The following CTIF variants were observed in gnomAD, a reference collection of about 807,000 sequenced individuals.
CTIF encodes the protein cap binding complex dependent translation initiation factor, also known as CBP80/20-dependent translation initiation factor.
In CTIF, 21 loss-of-function variants were observed where a neutral mutation model predicts 66.0. The ratio of observed to expected loss-of-function variants is 0.32; its 90% CI spans 0.23 to 0.46. CTIF has a LOEUF of 0.46. CTIF is among the 20% of genes least tolerant of loss of function. CTIF has a pLI of 1.00. For missense variants in CTIF, 739 were observed against 812.7 expected (o/e 0.91, Z 1.10); for synonymous variants, 345 against 326.4 (o/e 1.06, Z -0.62).
chr18:48,846,607 A>G (rs2069082559), intron 10 of CTIF, among the ~76,000 whole-genome samples: 1 of 151,758 alleles, frequency 6.6e-6, no homozygotes, highest in African/African-American at 2.4e-5. Context: ...GAATGGATGG[A>G]TGGATGGATG....
chr18:48,844,457 G>A (rs2069023180), intron 10 of CTIF, among the ~76,000 whole-genome samples: 1 of 152,254 alleles, frequency 6.6e-6, no homozygotes, highest in African/African-American at 2.4e-5. Context: ...CGGGCCAGCT[G>A]TGGGATGAAG....
intron 4 of CTIF, 22 bp downstream of exon 4, chr18:48,663,847 C>G (rs778682098): frequency 3.1e-6 from 5 of 1,610,634 alleles, no homozygotes; most frequent in East Asian, 2.2e-5. Context: ...CTCCCTCCTT[C>G]CCTGTGGTGT....
intron 3 of CTIF, among the ~76,000 whole-genome samples, chr18:48,644,886 C>T (rs1203150075): frequency 6.6e-6 from 1 of 152,218 alleles, no homozygotes; most frequent in Non-Finnish European, 1.5e-5. Flanking sequence ...TGCTTTCAGC[C>T]TGGGCTGTGC....
intron 9 of CTIF, among the ~76,000 whole-genome samples, chr18:48,812,267 C>A (rs1270253717): frequency 6.6e-6 from 1 of 152,148 alleles, no homozygotes; most frequent in Admixed American, 6.5e-5. Flanking sequence ...CCCAGCTGGC[C>A]ATACTATTTT....
chr18:48,830,515 ACTGT>A (rs2068667806), intron 10 of CTIF, among the ~76,000 whole-genome samples: 1 of 152,296 alleles, frequency 6.6e-6, no homozygotes. Context: ...CCTGTAGCTC[ACTGT>A]CTGAGAGGTA....
In CTIF at chr18:48,761,057, T is replaced by C; in HGVS notation, c.1072-333T>C. 1 of 212,304 alleles carries C rather than the reference T, an allele frequency of 4.7e-6. No homozygotes were observed. Among genetic ancestry groups the C allele is most frequent in the Non-Finnish European group, 9.3e-6 (1 of 107,824 alleles). 13.2% of individuals were successfully genotyped at this position (212,304 alleles called of 1,614,324 possible). A position where few individuals can be genotyped will look rare whatever the true frequency, so the allele number is the denominator to read the frequency against. On this transcript the variant is annotated intron_variant, in intron 8 of 11. Transcript: ENST00000256413. The surrounding 1 kb of genome is among the most constrained non-coding windows in gnomAD (Gnocchi z 4.2). ...ATTTCATATTTGTTATCTTATTTCC[T>C]CTTTCATAATTTCCATTAAATCTTT... is the stretch of plus-strand genomic sequence containing the variant.
intron 10 of CTIF, among the ~76,000 whole-genome samples, chr18:48,834,036 C>T (rs1466430000): frequency 6.6e-6 from 1 of 152,024 alleles, no homozygotes; most frequent in Non-Finnish European, 1.5e-5. Flanking sequence ...CCCTCCTTTC[C>T]CCTCCCCTCC....
chr18:48,551,977 T>C (rs1337676062), intron 1 of CTIF, among the ~76,000 whole-genome samples: 1 of 152,236 alleles, frequency 6.6e-6, no homozygotes. Flanking sequence ...ATTTTTTTTG[T>C]ATTTTTAGTA....
intron 9 of CTIF, among the ~76,000 whole-genome samples, chr18:48,806,529 C>T (rs28392654): frequency 1.9e-4 from 29 of 152,248 alleles, no homozygotes; most frequent in African/African-American, 5.8e-4. Context: ...AGAGGGAGCC[C>T]GAAATGAAGG....
At chr18:48,619,350 G>A (rs532298408) in intron 1 of CTIF, among the ~76,000 whole-genome samples, 188 bp from the exon 2 acceptor site, 32 of 152,354 alleles carry the variant, frequency 2.1e-4, no homozygotes, top group South Asian at 8.3e-4. Flanking sequence ...CTACACAGTG[G>A]GAATTACAGC....
intron 1 of CTIF, among the ~76,000 whole-genome samples, chr18:48,617,353 A>T (rs927504712): frequency 1.3e-5 from 2 of 152,208 alleles, no homozygotes; most frequent in Non-Finnish European, 2.9e-5. Flanking sequence ...GCCCTCCTGA[A>T]TAGTCTCTCT....
intron 9 of CTIF, among the ~76,000 whole-genome samples, chr18:48,790,769 C>A (rs2067775218): frequency 6.6e-6 from 1 of 152,196 alleles, no homozygotes; most frequent in African/African-American, 2.4e-5. Context: ...CCGGCTGGAG[C>A]CACGGGCGCC....
intron 9 of CTIF, among the ~76,000 whole-genome samples, chr18:48,800,720 G>A (rs2068032218): frequency 6.6e-6 from 1 of 152,172 alleles, no homozygotes; most frequent in Admixed American, 6.5e-5. Flanking sequence ...CCCTTTTCTG[G>A]GTGGGGAACG....
At chr18:48,689,872 A>G (rs1369208778) in intron 6 of CTIF, among the ~76,000 whole-genome samples, 1 of 152,192 alleles carries the variant, frequency 6.6e-6, no homozygotes, top group Non-Finnish European at 1.5e-5. Flanking sequence ...AAGCTCCCCG[A>G]GTGAATCTGG....
intron 3 of CTIF, among the ~76,000 whole-genome samples, chr18:48,643,649 G>A (rs1016746593): frequency 6.6e-6 from 1 of 152,218 alleles, no homozygotes; most frequent in African/African-American, 2.4e-5. Flanking sequence ...TCGTGGTGGG[G>A]AAGAGGGAGT....
intron 9 of CTIF, among the ~76,000 whole-genome samples, chr18:48,798,033 C>T (rs1441894205): frequency 5.9e-5 from 9 of 152,134 alleles, no homozygotes; most frequent in African/African-American, 1.2e-4. Context: ...CCTCTGCCCG[C>T]GGCAGAGCCA....
intron 9 of CTIF, among the ~76,000 whole-genome samples, chr18:48,784,315 G>T (rs1911519229): frequency 6.6e-6 from 1 of 152,222 alleles, no homozygotes. Context: ...CGTGCAGAAG[G>T]GCATTGTCTA....
At chr18:48,718,876 C>T (rs144854970) in intron 7 of CTIF, among the ~76,000 whole-genome samples, 58 of 152,150 alleles carry the variant, frequency 3.8e-4, no homozygotes, top group African/African-American at 1.3e-3. Flanking sequence ...GCCCCATTCC[C>T]GAGGCATGAA....
At chr18:48,764,776 G>C (rs72911693) in intron 9 of CTIF, among the ~76,000 whole-genome samples, 2,396 of 152,318 alleles carry the variant, frequency 0.016, 32 homozygotes, top group Non-Finnish European at 0.025. Flanking sequence ...TTTACCACCT[G>C]CAGTCCCAGC....
Sources: allele counts gnomAD v4.1 joint callset (sites outside exome capture counted in the v4.1 genomes callset), GRCh38; gene constraint gnomAD v4.1.1; non-coding constraint Gnocchi (gnomAD v3.1); transcripts MANE v1.5; gene names NCBI Gene and HGNC (gene_info 2026-07-23, HGNC 2026-07-21).